The following GRM3 variants were observed in gnomAD, a reference collection of about 807,000 sequenced individuals.
The protein encoded by GRM3 is metabotropic glutamate receptor 3.
A neutral mutation model predicts 70.5 loss-of-function variants in GRM3; 26 were observed. The observed-to-expected ratio is 0.37, with a 90% CI of 0.27 to 0.51. GRM3 has a LOEUF of 0.51. Among genes scored for constraint, GRM3 ranks in the 20% least tolerant of loss-of-function variants. The probability of loss-of-function intolerance (pLI) is 0.93; values close to 1 mark genes in which losing one functional copy is unlikely to be tolerated. For missense variants in GRM3, 859 were observed against 1,123.8 expected, an observed-to-expected ratio of 0.76 and a Z score of 3.37; for synonymous variants, 443 against 434.9, an observed-to-expected ratio of 1.02 and a Z score of -0.23.
chr7:86,651,626 C>T (rs554899755), intron 1 of GRM3, among the ~76,000 whole-genome samples: 1 of 152,184 alleles, frequency 6.6e-6, no homozygotes, highest in East Asian at 1.9e-4. Flanking sequence ...TGCATTAATC[C>T]CAGTGATTTC....
chr7:86,710,553 T>C lies in GRM3; in HGVS notation c.-140-54453T>C, dbSNP rs1435268579. Among the ~76,000 whole-genome samples, 137 of 65,646 alleles carry C rather than the reference T, an allele frequency of 2.1e-3. 1 individual carries two copies. Among genetic ancestry groups the C allele is most frequent in the Middle Eastern group, 0.01 (1 of 100 alleles). The allele number at this position is 65,646 out of a possible 152,430, so 43.1% of individuals were successfully genotyped here. On this transcript the variant is annotated intron_variant, in intron 1 of 5. Transcript: ENST00000361669. ...TCTATGTCCAAAAGTAAGCTGCTACTGTGTGTGTGTGGTGGGGGGTGGGGG... is the reference window on the plus strand; with the variant it reads ...TCTATGTCCAAAAGTAAGCTGCTACCGTGTGTGTGTGGTGGGGGGTGGGGG...
intron 1 of GRM3, among the ~76,000 whole-genome samples, chr7:86,760,788 T>C (rs1289010787): frequency 1.3e-5 from 2 of 152,138 alleles, no homozygotes; most frequent in East Asian, 3.8e-4. Flanking sequence ...ATTTAAACAT[T>C]AATTGATTTT....
intron 3 of GRM3, among the ~76,000 whole-genome samples, chr7:86,793,052 G>A (rs1445579602): frequency 1.5e-5 from 2 of 132,116 alleles, no homozygotes; most frequent in Non-Finnish European, 1.6e-5. Flanking sequence ...TACCAGTGAA[G>A]AGACAGACTA....
intron 1 of GRM3, among the ~76,000 whole-genome samples, chr7:86,763,833 G>A (rs1796536872): frequency 6.6e-6 from 1 of 152,080 alleles, no homozygotes; most frequent in Non-Finnish European, 1.5e-5. Flanking sequence ...TTTAAAGGGG[G>A]TATCTTTGTC....
intron 1 of GRM3, among the ~76,000 whole-genome samples, chr7:86,720,268 A>G (rs944625605): frequency 6.6e-6 from 1 of 152,020 alleles, no homozygotes; most frequent in Non-Finnish European, 1.5e-5. Context: ...CTGGCAGGAC[A>G]CTGAGATAGA....
intron 2 of GRM3, among the ~76,000 whole-genome samples, chr7:86,779,469 C>T (rs1796985456): frequency 6.6e-6 from 1 of 151,844 alleles, no homozygotes; most frequent in East Asian, 2.0e-4. Flanking sequence ...GAAAAGGTTA[C>T]ATGGTAGAGC....
At chr7:86,751,045 A>G (rs747287944) in intron 1 of GRM3, among the ~76,000 whole-genome samples, 6 of 152,126 alleles carry the variant, frequency 3.9e-5, no homozygotes, top group Non-Finnish European at 7.4e-5. Flanking sequence ...TGATATTTTA[A>G]TCTTAGACCA....
chr7:86,753,873 G>A (rs937479856), intron 1 of GRM3, among the ~76,000 whole-genome samples: 2 of 152,230 alleles, frequency 1.3e-5, no homozygotes, highest in South Asian at 4.2e-4. Context: ...TTTCTGTGAT[G>A]TAAGCGCTCT....
chr7:86,644,665 G>A lies in GRM3; in HGVS notation c.-348G>A. 5.2e-6 allele frequency: 3 copies of A among 575,682 alleles called. No individual in the cohort carries two copies. Among genetic ancestry groups the A allele is most frequent in the Non-Finnish European group, 6.0e-6 (2 of 335,988 alleles). The allele number at this position is 575,682 out of a possible 1,614,324, so 35.7% of individuals were successfully genotyped here. A position where few individuals can be genotyped will look rare whatever the true frequency, so the allele number is the denominator to read the frequency against. On this transcript the variant is annotated 5_prime_UTR_variant, in exon 1 of 6. Transcript: ENST00000361669. ...AGCCGGGAGGGGGCAGGGGCAGGGG[G>A]CACTGTGACAGGAAGCTGCGCGCAC...
chr7:86,803,754 GTGTT>G (rs111240911), intron 3 of GRM3, among the ~76,000 whole-genome samples: 17 of 151,874 alleles, frequency 1.1e-4, no homozygotes, highest in East Asian at 9.7e-4. Context: ...GTGGCAAGAG[GTGTT>G]TGTTTGTTTG....
chr7:86,822,579 A>T (rs1163116109), intron 3 of GRM3, among the ~76,000 whole-genome samples: 3 of 152,166 alleles, frequency 2.0e-5, no homozygotes, highest in African/African-American at 7.2e-5. Context: ...GGAAGGGAGC[A>T]CTTAGGTTCT....
At position 86,751,751 on chromosome 7, in the gene GRM3, G is replaced by T. The variant is rs142975856; in HGVS notation, c.-140-13255G>T. Among the ~76,000 whole-genome samples the T allele has an allele frequency of 1.2e-3, 187 of 152,144 alleles. 2 individuals are homozygous for T. Among genetic ancestry groups the T allele is most frequent in the African/African-American group, 4.3e-3 (178 of 41,550 alleles). On this transcript the variant is annotated intron_variant, in intron 1 of 5. Transcript: ENST00000361669. Reference sequence around the variant, plus strand: ...TACAGAAAGGATAACAAAGTGACTGGCTTGCTATTATAATGAGAAGGAGGC... The same window carrying T: ...TACAGAAAGGATAACAAAGTGACTGTCTTGCTATTATAATGAGAAGGAGGC...
At chr7:86,655,762 GA>G (rs1186457115) in intron 1 of GRM3, among the ~76,000 whole-genome samples, 7 of 151,214 alleles carry the variant, frequency 4.6e-5, no homozygotes, top group African/African-American at 1.5e-4. Context: ...ATGGTTATAG[GA>G]AAAAAGTTCC....
intron 1 of GRM3, among the ~76,000 whole-genome samples, chr7:86,733,423 G>A (rs1795784638): frequency 6.6e-6 from 1 of 152,144 alleles, no homozygotes; most frequent in African/African-American, 2.4e-5. Flanking sequence ...TGGGCTTGAG[G>A]CTCTTGTCAT....
intron 3 of GRM3, among the ~76,000 whole-genome samples, chr7:86,834,640 G>A (rs1445853165): frequency 8.6e-6 from 1 of 116,192 alleles, no homozygotes; most frequent in South Asian, 2.8e-4. Flanking sequence ...CAGTTTTATT[G>A]TTTGTTAAGT....
At position 86,695,555 on chromosome 7, in the gene GRM3, C is replaced by G. The variant is rs545201908; in HGVS notation, c.-141+50683C>G. 5.6e-4 allele frequency among the ~76,000 whole-genome samples: 86 copies of G among 152,254 alleles called. 1 individual carries two copies. The highest frequency in any genetic ancestry group is 1.7e-3 in the African/African-American group (70 of 41,560). On this transcript the variant is annotated intron_variant, in intron 1 of 5. Coordinates refer to ENST00000361669, the MANE Select transcript of GRM3 (RefSeq NM_000840.3). ...AACATTAAAGGACGGGAAAGCTGAG[C>G]TTTTGCGTCAGATACCACATGGCTT...
At chr7:86,690,231 G>T (rs1239797399) in intron 1 of GRM3, among the ~76,000 whole-genome samples, 1 of 152,092 alleles carries the variant, frequency 6.6e-6, no homozygotes, top group African/African-American at 2.4e-5. Context: ...CAGTTTCCAA[G>T]AACTGAAAGA....
intron 3 of GRM3, among the ~76,000 whole-genome samples, chr7:86,801,975 G>A (rs138773320): frequency 1.3e-5 from 2 of 152,120 alleles, no homozygotes; most frequent in Non-Finnish European, 2.9e-5. Flanking sequence ...GTGATCCTTG[G>A]TCTATCATTT....
chr7:86,803,080 A>C (rs977870056), intron 3 of GRM3, among the ~76,000 whole-genome samples: 6 of 150,390 alleles, frequency 4.0e-5, no homozygotes, highest in African/African-American at 1.5e-4. Context: ...AAAACCTTCA[A>C]CCATGATTTC....
Sources: allele counts gnomAD v4.1 joint callset (sites outside exome capture counted in the v4.1 genomes callset), GRCh38; gene constraint gnomAD v4.1.1; transcripts MANE v1.5; gene names NCBI Gene and HGNC (gene_info 2026-07-23, HGNC 2026-07-21).